The following ARHGAP6 variants were observed in gnomAD, a reference collection of about 807,000 sequenced individuals.
The protein encoded by ARHGAP6 is rho GTPase-activating protein 6.
Under a neutral mutation model 55.7 loss-of-function variants are expected in ARHGAP6, and 16 were observed. That is an observed-to-expected ratio of 0.29 (90% CI 0.19 to 0.44). The LOEUF is 0.44. Among genes scored for constraint, ARHGAP6 ranks in the 20% least tolerant of loss-of-function variants. The probability of loss-of-function intolerance (pLI) is 1.00; values close to 1 mark genes in which losing one functional copy is unlikely to be tolerated. For missense variants in ARHGAP6, 698 were observed against 808.9 expected, an observed-to-expected ratio of 0.86 and a Z score of 1.66; for synonymous variants, 382 against 360.9, an observed-to-expected ratio of 1.06 and a Z score of -0.66.
rs1482008084 is a variant in ARHGAP6, at chrX:11,664,549, G to A, written c.280C>T (p.Pro94Ser). Residue 94 changes from proline to serine, a missense_variant, in exon 1 of 13, where the codon CCG becomes TCG. By Grantham distance (74) the Pro-to-Ser change is moderately conservative. Around this residue, in one of 3 missense-constraint regions of ARHGAP6, gnomAD observed 164 missense variants for 149.2 expected, o/e 1.10. Coordinates refer to ENST00000337414, the MANE Select transcript of ARHGAP6 (RefSeq NM_013427.3). ...RGPPPRATRL[P>S]PPGPLCSSFS... The stretch of plus-strand genomic sequence containing the variant: ...GACGAGCAAAGAGGTCCAGGAGGCG[G>A]TAGCCTGGTGGCCCTGGGGGGCGGA... 8.4e-7 allele frequency: 1 copy of A among 1,195,373 alleles called. No individual in the cohort carries two copies. Among genetic ancestry groups the A allele is most frequent in the Admixed American group, 2.3e-5 (1 of 43,735 alleles).
At chrX:11,264,633 T>C (rs779041553) in intron 1 of ARHGAP6, among the ~76,000 whole-genome samples, 1 of 111,716 alleles carries the variant, frequency 9.0e-6, no homozygotes, top group East Asian at 2.8e-4. Flanking sequence ...AATCTCAGGG[T>C]TGCAAAAACT....
intron 1 of ARHGAP6, among the ~76,000 whole-genome samples, chrX:11,521,514 T>C (rs1029177055): frequency 3.6e-5 from 4 of 112,017 alleles, no homozygotes; most frequent in Non-Finnish European, 7.5e-5. Context: ...TCCATTGGTC[T>C]GTATCTCTGT....
At chrX:11,574,045 T>C (rs1324703760) in intron 1 of ARHGAP6, among the ~76,000 whole-genome samples, 1 of 111,442 alleles carries the variant, frequency 9.0e-6, no homozygotes, top group Non-Finnish European at 1.9e-5. Context: ...AATCTCTGAA[T>C]AGACCAATAA....
chrX:11,442,506 T>C (rs181197678), intron 1 of ARHGAP6, among the ~76,000 whole-genome samples: 9 of 111,903 alleles, frequency 8.0e-5, no homozygotes, highest in Non-Finnish European at 1.5e-4. Flanking sequence ...GCTCCCCCAG[T>C]CTCCAGCACT....
At chrX:11,230,641 A>G (rs866472088) in intron 2 of ARHGAP6, among the ~76,000 whole-genome samples, 1 of 98,329 alleles carries the variant, frequency 1.0e-5, no homozygotes, top group Non-Finnish European at 2.1e-5. Context: ...GTGTGTGTGT[A>G]TAAATGTGTG....
At chrX:11,518,462 C>CTTTT (rs368595944) in intron 1 of ARHGAP6, among the ~76,000 whole-genome samples, 2 of 74,931 alleles carry the variant, frequency 2.7e-5, no homozygotes, top group Non-Finnish European at 5.0e-5. Context: ...TTTTTTTTTT[C>CTTTT]TTTTTTTTTT....
chrX:11,294,690 A>C (rs2048051582), intron 1 of ARHGAP6: 1 of 946,746 alleles, frequency 1.1e-6, no homozygotes, highest in Admixed American at 2.2e-5. Flanking sequence ...GCAATAGACT[A>C]ATGTAGATTA....
chrX:11,633,759 T>C (rs955160655), intron 1 of ARHGAP6, among the ~76,000 whole-genome samples: 1 of 111,722 alleles, frequency 9.0e-6, no homozygotes, highest in Non-Finnish European at 1.9e-5. Flanking sequence ...AATGAAGGAA[T>C]TGATGCCTCC....
At chrX:11,261,824 C>T (rs900229586) in intron 1 of ARHGAP6, among the ~76,000 whole-genome samples, 6 of 111,327 alleles carry the variant, frequency 5.4e-5, no homozygotes, top group Non-Finnish European at 1.1e-4. Context: ...ACTGGGGCAG[C>T]GTTTGATACT....
chrX:11,553,366 T>C (rs1284374312), intron 1 of ARHGAP6, among the ~76,000 whole-genome samples: 2 of 110,722 alleles, frequency 1.8e-5, no homozygotes, highest in East Asian at 5.7e-4. Flanking sequence ...CTCAGCCTCC[T>C]GAGCAGCTGG....
At chrX:11,223,508 G>A (rs1053451722) in intron 2 of ARHGAP6, among the ~76,000 whole-genome samples, 7 of 111,294 alleles carry the variant, frequency 6.3e-5, no homozygotes, top group Non-Finnish European at 9.4e-5. Context: ...GATAAAAATA[G>A]TCTTCCTGTA....
chrX:11,156,931 A>T (rs1022376620), intron 9 of ARHGAP6, among the ~76,000 whole-genome samples: 14 of 112,663 alleles, frequency 1.2e-4, no homozygotes, highest in African/African-American at 4.5e-4. Flanking sequence ...AATAAGGAAA[A>T]TATCATGGTT....
At chrX:11,590,438 A>G (rs972161311) in intron 1 of ARHGAP6, among the ~76,000 whole-genome samples, 3 of 93,792 alleles carry the variant, frequency 3.2e-5, no homozygotes, top group Admixed American at 1.2e-4. Context: ...AATACTTTTA[A>G]AAATTGTTGA....
intron 1 of ARHGAP6, among the ~76,000 whole-genome samples, chrX:11,559,791 G>A (rs1213237725): frequency 4.6e-5 from 5 of 109,211 alleles, no homozygotes; most frequent in African/African-American, 1.7e-4. Context: ...AGCCAGGCAT[G>A]GTGGTGGGTG....
chrX:11,574,981 C>A (rs1268238042), intron 1 of ARHGAP6, among the ~76,000 whole-genome samples: 1 of 111,970 alleles, frequency 8.9e-6, no homozygotes, highest in Non-Finnish European at 1.9e-5. Flanking sequence ...TTTTCACCTG[C>A]ATAGCAACAT....
chrX:11,287,874 G>T (rs966611180), intron 1 of ARHGAP6, among the ~76,000 whole-genome samples: 2 of 112,425 alleles, frequency 1.8e-5, no homozygotes, highest in African/African-American at 6.5e-5. Flanking sequence ...AGCATGAGAA[G>T]ATGTCACCTT....
intron 1 of ARHGAP6, among the ~76,000 whole-genome samples, chrX:11,408,690 C>T (rs749263430): frequency 3.6e-5 from 4 of 109,652 alleles, no homozygotes; most frequent in East Asian, 2.9e-4. Flanking sequence ...CAGTGGGTGC[C>T]GGGAACAGAC....
chrX:11,315,886 T>C (rs2048354942), intron 1 of ARHGAP6, among the ~76,000 whole-genome samples: 1 of 111,987 alleles, frequency 8.9e-6, no homozygotes, highest in African/African-American at 3.3e-5. Context: ...GATAGTTACC[T>C]AGTTTATATC....
At chrX:11,352,460 A>G (rs2048874535) in intron 1 of ARHGAP6, among the ~76,000 whole-genome samples, 2 of 112,020 alleles carry the variant, frequency 1.8e-5, no homozygotes, top group Non-Finnish European at 3.8e-5. Context: ...CTACTTAAAG[A>G]CAGCACAGAA....
Sources: allele counts gnomAD v4.1 joint callset (sites outside exome capture counted in the v4.1 genomes callset), GRCh38; gene constraint gnomAD v4.1.1; regional missense constraint gnomAD v4.1.1; transcripts MANE v1.5; gene names NCBI Gene and HGNC (gene_info 2026-07-23, HGNC 2026-07-21).